Variants in FGD2 observed in about 807,000 individuals in gnomAD.
FGD2 encodes the protein FYVE, RhoGEF and PH domain-containing protein 2.
FGD2 carries 52 observed loss-of-function variants against 75.9 expected under a neutral mutation model. The observed-to-expected ratio is 0.69, with a 90% CI of 0.55 to 0.86. The LOEUF (loss-of-function observed/expected upper bound fraction) is 0.86. FGD2 is among the 40% of genes least tolerant of loss of function. The probability of loss-of-function intolerance (pLI) is 0.00; values close to 1 mark genes in which losing one functional copy is unlikely to be tolerated. For synonymous variants in FGD2, 347 were observed against 348.6 expected (o/e 1.00, Z 0.05); for missense variants, 790 against 872.0 (o/e 0.91, Z 1.18).
At position 37,027,511 on chromosome 6, in the gene FGD2, C is replaced by A. The variant is rs1183503295; in HGVS notation, c.1688C>A (p.Pro563His). The stretch of plus-strand genomic sequence containing the variant: ...GGGGACAAGTGGGGCAAGAGCGGCC[C>A]CCGGGGCTGGTGTGTGATCCCTCGG... ...LIGDKWGKSG[P>H]RGWCVIPRDD... The change falls in exon 15 of 16, where the codon CCC (proline) becomes CAC (histidine). Residue 563 changes from proline (P) to histidine (H), a missense_variant. Transcript: ENST00000274963. 6.2e-7 allele frequency: 1 copy of A among 1,614,118 alleles called. No homozygotes were observed. The highest frequency in any genetic ancestry group is 1.7e-5 in the Admixed American group (1 of 60,018).
Position 37,027,971 on chromosome 6 carries a change from C to G in FGD2, c.1776C>G (p.Ile592Met). 1.2e-6 allele frequency: 2 copies of G among 1,614,048 alleles called. No individual in the cohort carries two copies. The highest frequency in any genetic ancestry group is 1.7e-6 in the Non-Finnish European group (2 of 1,180,004). The change falls in exon 16 of 16, where the codon ATC (isoleucine) becomes ATG (methionine). Residue 592 changes from isoleucine (I) to methionine (M), a missense_variant. Ile to Met is a conservative substitution (Grantham distance 10). Coordinates refer to ENST00000274963, the MANE Select transcript of FGD2 (RefSeq NM_173558.4). ...AGGACATGAGGGCTCACACCTCCAT[C>G]CCCCTGCTGGGCTACCAGGTGACTG... The part of the protein sequence containing the change: ...APQDMRAHTS[I>M]PLLGYQVTVG...
chr6:37,009,463 C>G (rs1254278593), intron 2 of FGD2: 2 of 183,074 alleles, frequency 1.1e-5, no homozygotes, highest in Non-Finnish European at 2.3e-5. Flanking sequence ...TGTGAACTGT[C>G]CTGCCCTTAG....
At chr6:37,020,645 A>G in intron 10 of FGD2, 25 bp downstream of exon 10, 1 of 1,590,590 alleles carries the variant, frequency 6.3e-7, no homozygotes, top group Non-Finnish European at 8.6e-7. Context: ...GTGGCGGCCC[A>G]GGGCCAGGCG....
chr6:37,017,217 A>G (rs1435711865), intron 9 of FGD2, among the ~76,000 whole-genome samples: 1 of 152,080 alleles, frequency 6.6e-6, no homozygotes. Flanking sequence ...ATGCACCGGA[A>G]TTTCTTCAAC....
intron 13 of FGD2, chr6:37,024,199 G>A (rs896802255): frequency 2.0e-5 from 3 of 152,160 alleles, no homozygotes; most frequent in African/African-American, 7.2e-5. Context: ...AATTAGCCGG[G>A]TGTGGTGGTG....
In FGD2 at chr6:37,005,770, C is replaced by G. The variant is rs762288441; in HGVS notation, c.-48C>G. Reference sequence around the variant, plus strand: ...GGCTGAGTGTGCTGGCTGGAGGCCTCTCTCTCTGCTTCGAGGGTAGCTGAG... The same window carrying G: ...GGCTGAGTGTGCTGGCTGGAGGCCTGTCTCTCTGCTTCGAGGGTAGCTGAG... On this transcript the variant is annotated 5_prime_UTR_variant, in exon 1 of 16. Coordinates refer to ENST00000274963, the MANE Select transcript of FGD2 (RefSeq NM_173558.4). 5.0e-6 allele frequency: 8 copies of G among 1,604,582 alleles called. No individual in the cohort carries two copies. In the African/African-American group the frequency reaches 1.1e-4, roughly 21 times the overall value.
chr6:37,006,606 TTG>T (rs1250658501), intron 1 of FGD2, among the ~76,000 whole-genome samples: 1 of 151,748 alleles, frequency 6.6e-6, no homozygotes, highest in East Asian at 1.9e-4. Flanking sequence ...GCATGTGTGT[TTG>T]TGTGTGTGCG....
chr6:37,015,774 A>C lies in FGD2; in HGVS notation c.1036A>C (p.Asn346His). ...PMERYLFLFN[N>H]MLLYCVPRVI... ...ACGCCTGTGTCTCCTGCAGTTCAAC[A>C]ACATGCTGCTCTACTGTGTGCCCAG... Residue 346 changes from asparagine to histidine, a missense_variant, in exon 9 of 16, where the codon AAC becomes CAC. Asn to His is a moderately conservative substitution (Grantham distance 68). Coordinates refer to ENST00000274963, the MANE Select transcript of FGD2 (RefSeq NM_173558.4). 1 of 1,588,596 alleles carries C rather than the reference A, an allele frequency of 6.3e-7. No individual in the cohort carries two copies. Among genetic ancestry groups the C allele is most frequent in the East Asian group, 2.3e-5 (1 of 44,004 alleles).
intron 4 of FGD2, among the ~76,000 whole-genome samples, chr6:37,012,873 G>C (rs1765079170): frequency 6.6e-6 from 1 of 151,118 alleles, no homozygotes; most frequent in Non-Finnish European, 1.5e-5. Context: ...CAGGAGTCAG[G>C]CTCAGGAAGC....
chr6:37,028,615 C>CTGTTTTTTTTTTTTTTTTTTTTTTTTTT lies in FGD2; in HGVS notation c.*453_*454insGTTTTTTTTTTTTTTTTTTTTTTTTTTT, dbSNP rs1765945263. On this transcript the variant is annotated 3_prime_UTR_variant, in exon 16 of 16. Coordinates refer to ENST00000274963, the MANE Select transcript of FGD2 (RefSeq NM_173558.4). ...GGCTGAGTTGGGGGAGGCATGGGGT[C>CTGTTTTTTTTTTTTTTTTTTTTTTTTTT]TTTTTTTTTTTTTTTTTGAGACAGA... 2 of 79,024 alleles carry CTGTTTTTTTTTTTTTTTTTTTTTTTTTT rather than the reference C, an allele frequency of 2.5e-5. No homozygotes were observed. Among genetic ancestry groups the CTGTTTTTTTTTTTTTTTTTTTTTTTTTT allele is most frequent in the Non-Finnish European group, 2.3e-5 (1 of 44,274 alleles). The allele number at this position is 79,024 out of a possible 1,614,324, so 4.9% of individuals were successfully genotyped here.
chr6:37,028,237 C>T lies in FGD2; in HGVS notation c.*74C>T. On this transcript the variant is annotated 3_prime_UTR_variant, in exon 16 of 16. Coordinates refer to ENST00000274963, the MANE Select transcript of FGD2 (RefSeq NM_173558.4). ...CTCCTGCCACAGACTGACCCTGTGG[C>T]CTCAGTGACCCACTGCCCCAAGTGG... 1 of 1,367,106 alleles carries T rather than the reference C, an allele frequency of 7.3e-7. No individual in the cohort carries two copies. The highest frequency in any genetic ancestry group is 2.5e-5 in the East Asian group (1 of 39,840). 84.7% of individuals were successfully genotyped at this position (1,367,106 alleles called of 1,614,324 possible). A position where few individuals can be genotyped will look rare whatever the true frequency, so the allele number is the denominator to read the frequency against.
At chr6:37,007,238 G>A (rs1200444941) in intron 1 of FGD2, among the ~76,000 whole-genome samples, 1 of 152,184 alleles carries the variant, frequency 6.6e-6, no homozygotes, top group Non-Finnish European at 1.5e-5. Flanking sequence ...GCTGTATTGA[G>A]GGCACTCATG....
intron 2 of FGD2, chr6:37,009,297 TG>T (rs1303137053): frequency 6.1e-6 from 3 of 489,020 alleles, no homozygotes; most frequent in Non-Finnish European, 1.1e-5. Context: ...AGGAGTTTTT[TG>T]GACAAGGAAG....
At chr6:37,008,118 T>C (rs1397195507) in intron 1 of FGD2, among the ~76,000 whole-genome samples, 1 of 152,170 alleles carries the variant, frequency 6.6e-6, no homozygotes, top group African/African-American at 2.4e-5. Context: ...TTTGGAGATT[T>C]CGTATTTGTT....
chr6:37,011,130 C>A, intron 3 of FGD2, 80 bp downstream of exon 3: 2 of 1,351,736 alleles, frequency 1.5e-6, no homozygotes, highest in Non-Finnish European at 2.1e-6. Context: ...TCCCACCCTG[C>A]TCACCAGAGC....
At chr6:37,011,117 C>T in intron 3 of FGD2, 67 bp downstream of exon 3, 6 of 1,446,076 alleles carry the variant, frequency 4.1e-6, no homozygotes, top group Non-Finnish European at 5.8e-6. Flanking sequence ...CCCTTCTCAG[C>T]CTTCCCACCC....
intron 15 of FGD2, 86 bp from the exon 16 acceptor site, chr6:37,027,862 C>T (rs1387836780): frequency 7.0e-6 from 10 of 1,432,762 alleles, no homozygotes; most frequent in Admixed American, 3.6e-5. Context: ...GTGAGCTGTG[C>T]GTGCGTGGCT....
chr6:37,021,345 G>A (rs1583318159), intron 11 of FGD2, among the ~76,000 whole-genome samples, 167 bp from the exon 12 acceptor site: 1 of 152,178 alleles, frequency 6.6e-6, no homozygotes, highest in Non-Finnish European at 1.5e-5. Context: ...GTAACCTGGG[G>A]CTGGTAGTTT....
chr6:37,013,499 G>T, intron 4 of FGD2, 110 bp from the exon 5 acceptor site: 1 of 1,502,958 alleles, frequency 6.7e-7, no homozygotes. Flanking sequence ...ACCCAGAATT[G>T]CCGTGGAAAG....
Sources: gnomAD v4.1 joint callset for allele counts (sites outside exome capture counted in the v4.1 genomes callset) on GRCh38, gnomAD v4.1.1 for gene constraint, MANE v1.5 for transcripts, NCBI Gene and HGNC (gene_info 2026-07-23, HGNC 2026-07-21) for gene names.